RBFOX1: variants seen among roughly 807,000 people sequenced by gnomAD.
RBFOX1 encodes RNA binding fox-1 homolog 1, also known as RNA binding protein fox-1 homolog 1.
Under a neutral mutation model 57.7 loss-of-function variants are expected in RBFOX1, and 8 were observed. The observed-to-expected ratio is 0.14, with a 90% confidence interval of 0.08 to 0.25. The LOEUF is 0.25. RBFOX1 is among the 10% of genes least tolerant of loss of function. The pLI is 1.00. For missense variants in RBFOX1, 611 were observed against 548.5 expected, an observed-to-expected ratio of 1.11 and a Z score of -1.14; for synonymous variants, 326 against 222.4, an observed-to-expected ratio of 1.47 and a Z score of -4.15.
chr16:6,257,363 T>C (rs141985730), intron 1 of RBFOX1, among the ~76,000 whole-genome samples: 1 of 152,270 alleles, frequency 6.6e-6, no homozygotes, highest in African/African-American at 2.4e-5. Flanking sequence ...CAAATCTCTT[T>C]TCCCCATTCA....
chr16:5,645,690 G>A (rs1242288233), intron 3 of RBFOX1, among the ~76,000 whole-genome samples: 2 of 152,184 alleles, frequency 1.3e-5, no homozygotes, highest in African/African-American at 4.8e-5. Context: ...TTCACAGACA[G>A]GATCTTGGTC....
At chr16:6,232,658 C>G (rs569728393) in intron 1 of RBFOX1, among the ~76,000 whole-genome samples, 2 of 152,172 alleles carry the variant, frequency 1.3e-5, no homozygotes, top group African/African-American at 4.8e-5. Context: ...GGAGGAAGAT[C>G]GGAGTCCTTA....
At chr16:6,869,138 A>G (rs1343845611) in intron 3 of RBFOX1, among the ~76,000 whole-genome samples, 1 of 152,210 alleles carries the variant, frequency 6.6e-6, no homozygotes, top group Non-Finnish European at 1.5e-5. Context: ...TGGCTTATGC[A>G]TCTTGCCTCT....
At chr16:6,960,295 G>C (rs1457061766) in intron 3 of RBFOX1, among the ~76,000 whole-genome samples, 2 of 152,140 alleles carry the variant, frequency 1.3e-5, no homozygotes, top group Non-Finnish European at 1.5e-5. Context: ...TTATAGATGA[G>C]AAGTTAATCA....
intron 10 of RBFOX1, among the ~76,000 whole-genome samples, chr16:7,617,324 G>C (rs1230678296): frequency 6.6e-6 from 1 of 152,140 alleles, no homozygotes; most frequent in Non-Finnish European, 1.5e-5. Flanking sequence ...TAAAACTAAG[G>C]ACGTGGAAAT....
At chr16:6,765,290 G>T (rs1051964555) in intron 3 of RBFOX1, among the ~76,000 whole-genome samples, 2 of 152,146 alleles carry the variant, frequency 1.3e-5, no homozygotes. Flanking sequence ...ACAATATATA[G>T]CTCAAGTTTA....
chr16:7,693,402 C>G (rs745355655), intron 14 of RBFOX1: 1 of 1,394,280 alleles, frequency 7.2e-7, no homozygotes, highest in Non-Finnish European at 1.0e-6. Context: ...TGCATCCATC[C>G]AAGTCTCAGT....
At chr16:6,575,921 A>T (rs1458967508) in intron 2 of RBFOX1, among the ~76,000 whole-genome samples, 1 of 151,932 alleles carries the variant, frequency 6.6e-6, no homozygotes, top group East Asian at 1.9e-4. Context: ...ATGCAAGATA[A>T]TTTAGCCAGT....
chr16:6,273,607 A>G (rs1358229173), intron 1 of RBFOX1, among the ~76,000 whole-genome samples: 2 of 152,014 alleles, frequency 1.3e-5, no homozygotes, highest in South Asian at 2.1e-4. Context: ...CGGCCCCCCA[A>G]AGTGCTGGGC....
chr16:7,380,308 TCCC>T (rs1454418375), intron 4 of RBFOX1, among the ~76,000 whole-genome samples: 1 of 152,140 alleles, frequency 6.6e-6, no homozygotes, highest in African/African-American at 2.4e-5. Context: ...CCTTTCTTCC[TCCC>T]CCATCATTTA....
In RBFOX1 at chr16:6,654,600, C is replaced by G. The variant is rs765977016; in HGVS notation, c.-63-3C>G. On this transcript the variant is annotated splice_polypyrimidine_tract_variant and splice_region_variant and intron_variant, in intron 2 of 15. Transcript: ENST00000550418. ...ACTTTCCTTTCTTTTCTTCTCTTCT[C>G]AGGATATCAAAGCAGACTGCAATAC... 45 of 1,506,206 alleles carry G rather than the reference C, an allele frequency of 3.0e-5. No individual in the cohort carries two copies. In the African/African-American group the frequency reaches 5.6e-4, roughly 19 times the overall value. The allele number at this position is 1,506,206 out of a possible 1,614,324, so 93.3% of individuals were successfully genotyped here. A position where few individuals can be genotyped will look rare whatever the true frequency, so the allele number is the denominator to read the frequency against.
intron 5 of RBFOX1, among the ~76,000 whole-genome samples, chr16:7,538,807 T>A (rs527522454): frequency 6.6e-6 from 1 of 152,196 alleles, no homozygotes; most frequent in African/African-American, 2.4e-5. Flanking sequence ...CACAGATGTC[T>A]GGAACTTGGT....
intron 1 of RBFOX1, among the ~76,000 whole-genome samples, chr16:5,361,445 T>C (rs1321575527): frequency 1.3e-5 from 2 of 152,160 alleles, no homozygotes; most frequent in Non-Finnish European, 2.9e-5. Context: ...ATTTCTCTTG[T>C]AAAAGAAACT....
At chr16:7,278,077 G>A (rs541641418) in intron 4 of RBFOX1, among the ~76,000 whole-genome samples, 10 of 152,272 alleles carry the variant, frequency 6.6e-5, no homozygotes, top group East Asian at 3.9e-4. Flanking sequence ...TTCCGTAGGC[G>A]GCTAAATTGG....
intron 3 of RBFOX1, among the ~76,000 whole-genome samples, chr16:5,808,899 A>T (rs1401057287): frequency 6.6e-6 from 1 of 152,146 alleles, no homozygotes; most frequent in African/African-American, 2.4e-5. Flanking sequence ...TTCCTAATTA[A>T]ATACCCTTTG....
intron 4 of RBFOX1, among the ~76,000 whole-genome samples, chr16:7,490,470 G>T (rs762331709): frequency 5.9e-5 from 9 of 152,200 alleles, no homozygotes; most frequent in Non-Finnish European, 5.9e-5. Flanking sequence ...AGCCAGCCAG[G>T]CTGTCTTCTT....
chr16:6,948,464 C>G (rs896605176), intron 3 of RBFOX1, among the ~76,000 whole-genome samples: 1 of 133,286 alleles, frequency 7.5e-6, no homozygotes, highest in Non-Finnish European at 1.5e-5. Flanking sequence ...CTCACTACAA[C>G]CTTTGCCTCC....
intron 2 of RBFOX1, among the ~76,000 whole-genome samples, chr16:5,534,073 T>C (rs760673506): frequency 1.3e-5 from 2 of 152,142 alleles, no homozygotes; most frequent in African/African-American, 2.4e-5. Flanking sequence ...CATCTACTGC[T>C]GCCACCTGCC....
intron 1 of RBFOX1, among the ~76,000 whole-genome samples, chr16:5,262,785 A>G (rs1419068246): frequency 1.3e-5 from 2 of 152,214 alleles, no homozygotes; most frequent in African/African-American, 4.8e-5. Context: ...TTTGGATTTC[A>G]CTGTGTGTAG....
Sources: allele counts gnomAD v4.1 joint callset (sites outside exome capture counted in the v4.1 genomes callset), GRCh38; gene constraint gnomAD v4.1.1; transcripts MANE v1.5; gene names NCBI Gene and HGNC (gene_info 2026-07-23, HGNC 2026-07-21).